The following SMTN variants were observed in gnomAD, a reference collection of about 807,000 sequenced individuals.
SMTN encodes the protein smoothelin.
SMTN carries 58 observed loss-of-function variants against 102.0 expected under a neutral mutation model. The ratio of observed to expected loss-of-function variants is 0.57; its 90% CI spans 0.46 to 0.71. The LOEUF is 0.71. Among genes scored for constraint, SMTN ranks in the 30% least tolerant of loss-of-function variants. The pLI is 0.00. For synonymous variants in SMTN, 478 were observed against 497.9 expected, an observed-to-expected ratio of 0.96 and a Z score of 0.53; for missense variants, 1,185 against 1,241.7, an observed-to-expected ratio of 0.95 and a Z score of 0.69.
chr22:31,076,350 G>T (rs1340244831), upstream of SMTN, among the ~76,000 whole-genome samples: 3 of 152,210 alleles, frequency 2.0e-5, no homozygotes, highest in African/African-American at 7.2e-5. Flanking sequence ...CCACCCCGCT[G>T]TCTACAGGTC....
intron 1 of SMTN, among the ~76,000 whole-genome samples, chr22:31,075,138 G>A (rs1462352245): frequency 6.6e-6 from 1 of 152,142 alleles, no homozygotes; most frequent in East Asian, 1.9e-4. Flanking sequence ...CAGTTAGAAA[G>A]TCCTAGGTTT....
chr22:31,087,862 T>C, intron 2 of SMTN, 103 bp from the exon 3 acceptor site: 1 of 1,270,210 alleles, frequency 7.9e-7, no homozygotes, highest in South Asian at 1.6e-5. Flanking sequence ...ACACAGGGAG[T>C]GGACACAGGC....
chr22:31,094,011 G>C, intron 11 of SMTN: 1 of 677,536 alleles, frequency 1.5e-6, no homozygotes. Context: ...AGTGCTCTAA[G>C]ACTAGGGCAA....
chr22:31,073,012 T>TC (rs1491520848), intron 1 of SMTN, among the ~76,000 whole-genome samples: 3,933 of 18,068 alleles, frequency 0.22, 85 homozygotes, highest in Middle Eastern at 0.41. Flanking sequence ...TCTCTCTCTC[T>TC]TTTTTTTTTT....
intron 10 of SMTN, 71 bp downstream of exon 10, chr22:31,091,553 G>A: frequency 6.6e-7 from 1 of 1,506,818 alleles, no homozygotes; most frequent in Non-Finnish European, 8.9e-7. Flanking sequence ...CAGGACAGGT[G>A]CTGCGGCCAG....
chr22:31,096,778 G>T lies in SMTN; in HGVS notation c.1907G>T (p.Gly636Val). The T allele has an allele frequency of 1.9e-6, 3 of 1,562,882 alleles. No individual in the cohort carries two copies. Among genetic ancestry groups the T allele is most frequent in the Non-Finnish European group, 1.7e-6 (2 of 1,156,746 alleles). ...ERERRLQEAR[G>V]RPGEGRGNTA... The stretch of plus-strand genomic sequence containing the variant: ...GAACGGCGGCTGCAGGAGGCACGGG[G>T]CCGGCCAGGGGAGGGGCGCGGCAAC... The change falls in exon 14 of 21, where the codon GGC becomes GTC. Residue 636 changes from glycine (G) to valine (V), a missense_variant. Physicochemically the swap from Gly to Val is moderately radical, Grantham distance 109. Coordinates refer to ENST00000333137, the MANE Select transcript of SMTN (RefSeq NM_134269.3).
intron 4 of SMTN, 29 bp downstream of exon 4, chr22:31,088,635 G>C (rs1250052490): frequency 6.8e-6 from 11 of 1,612,322 alleles, no homozygotes; most frequent in Non-Finnish European, 5.1e-6. Flanking sequence ...CAGGGGATGG[G>C]GGCAGGGCAG....
Position 31,096,988 on chromosome 22 carries a change from GC to G in SMTN, c.2027-6del. 6.2e-7 allele frequency: 1 copy of G among 1,614,040 alleles called. No individual in the cohort carries two copies. Among genetic ancestry groups the G allele is most frequent in the Non-Finnish European group, 8.5e-7 (1 of 1,179,972 alleles). ...GCCTTTCACATCCTTCTCATCCCCT[GC>G]CCCTGCAGATGATGGCACACGGACG... On this transcript the variant is annotated splice_polypyrimidine_tract_variant and intron_variant, in intron 14 of 20. Coordinates refer to ENST00000333137, the MANE Select transcript of SMTN (RefSeq NM_134269.3).
Position 31,095,775 on chromosome 22 carries a change from TGCTCCTTCCCTA to T in SMTN, c.1861+175_1861+186del, listed in dbSNP as rs2043538166. ...TTGGCTATTCCCTGCTGGATCCAGC[TGCTCCTTCCCTA>T]GCTCCTTCTCTCCCGCTGGTGACCC... On this transcript the variant is annotated intron_variant, in intron 13 of 20. Transcript: ENST00000333137. The surrounding 1 kb of genome is among the most constrained non-coding windows in gnomAD (Gnocchi z 4.1). The T allele has an allele frequency of 1.6e-6, 1 of 625,942 alleles. No individual in the cohort carries two copies. The highest frequency in any genetic ancestry group is 2.8e-6 in the Non-Finnish European group (1 of 359,334). 38.8% of individuals were successfully genotyped at this position (625,942 alleles called of 1,614,324 possible). A position where few individuals can be genotyped will look rare whatever the true frequency, so the allele number is the denominator to read the frequency against.
intron 1 of SMTN, among the ~76,000 whole-genome samples, chr22:31,081,960 T>C (rs1295335674): frequency 6.6e-6 from 1 of 151,880 alleles, no homozygotes; most frequent in African/African-American, 2.4e-5. Flanking sequence ...CAGGCAGAGA[T>C]TGGGAGGTTG....
chr22:31,087,008 A>T (rs558207217), intron 2 of SMTN: 6 of 152,262 alleles, frequency 3.9e-5, no homozygotes, highest in African/African-American at 1.4e-4. Context: ...GACAGAGGAA[A>T]TCACCCCGCC....
chr22:31,090,856 C>T lies in SMTN; in HGVS notation c.914C>T (p.Pro305Leu). Residue 305 changes from proline to leucine, a missense_variant, in exon 9 of 21, where the codon CCC becomes CTC. Coordinates refer to ENST00000333137, the MANE Select transcript of SMTN (RefSeq NM_134269.3). ...PCQRSLSVLS[P>L]RQPAQNREST... ...CAACGCTCCCTGTCGGTGCTCAGCCCCCGCCAACCAGCCCAGAACCGAGGT... is the reference window on the plus strand; with the variant it reads ...CAACGCTCCCTGTCGGTGCTCAGCCTCCGCCAACCAGCCCAGAACCGAGGT... 2 of 1,614,004 alleles carry T rather than the reference C, an allele frequency of 1.2e-6. No individual in the cohort carries two copies. The highest frequency in any genetic ancestry group is 1.7e-6 in the Non-Finnish European group (2 of 1,179,942).
At chr22:31,093,807 C>A in intron 11 of SMTN, 1 of 1,593,046 alleles carries the variant, frequency 6.3e-7, no homozygotes. Flanking sequence ...CCGGGACCCC[C>A]GTGGCCCACC....
intron 19 of SMTN, 36 bp from the exon 20 acceptor site, chr22:31,100,849 G>GT: frequency 3.0e-6 from 1 of 332,058 alleles, no homozygotes; most frequent in Non-Finnish European, 5.3e-6. Flanking sequence ...TCCTGCCCCC[G>GT]TCCCCCACCC....
At chr22:31,090,284 C>G in intron 8 of SMTN, 104 bp downstream of exon 8, 3 of 908,312 alleles carry the variant, frequency 3.3e-6, no homozygotes, top group Non-Finnish European at 5.0e-6. Flanking sequence ...GCTCTAGCTT[C>G]CTCAGGTCCA....
chr22:31,069,614 A>G (rs1259031018), intron 1 of SMTN, among the ~76,000 whole-genome samples: 1 of 152,210 alleles, frequency 6.6e-6, no homozygotes, highest in African/African-American at 2.4e-5. Flanking sequence ...GGAGTCAGGA[A>G]GGATGCTAAC....
intron 13 of SMTN, chr22:31,096,307 T>C (rs937297172): frequency 5.9e-6 from 1 of 169,448 alleles, no homozygotes; most frequent in African/African-American, 2.4e-5. Context: ...TGGATCTAAA[T>C]ATTCCTGCCT....
In SMTN at chr22:31,091,698, C is replaced by T. The variant is rs2043145583; in HGVS notation, c.1483C>T (p.Pro495Ser). 2 of 1,604,646 alleles carry T rather than the reference C, an allele frequency of 1.2e-6. No individual in the cohort carries two copies. Among genetic ancestry groups the T allele is most frequent in the Non-Finnish European group, 1.7e-6 (2 of 1,173,756 alleles). Residue 495 changes from proline to serine, a missense_variant, in exon 11 of 21, where the codon CCC becomes TCC. Coordinates refer to ENST00000333137, the MANE Select transcript of SMTN (RefSeq NM_134269.3). ...RAELTLGLRA[P>S]PTLLSTSSGG... ...AGAACTGACACTGGGGCTGCGGGCG[C>T]CCCCGACCCTACTCAGCACCAGTAG...
rs750276884 is a variant in SMTN, at chr22:31,099,745, C to T, written c.2452C>T (p.His818Tyr). 5.6e-6 allele frequency: 9 copies of T among 1,613,672 alleles called. No individual in the cohort carries two copies. The Admixed American group carries it at 1.3e-4, about 24-fold the overall frequency. Residue 818 changes from histidine (H) to tyrosine (Y), a missense_variant and splice_region_variant, in exon 19 of 21, where the codon CAC becomes TAC. Around this residue, in one of 2 missense-constraint regions of SMTN, gnomAD observed 1,096 missense variants for 1,112.7 expected, o/e 0.98. Transcript: ENST00000333137. ...WCRAKTRGYE[H>Y]VDIQNFSSSW... ...TGACCAGTCCTCCTACGGCTTATAG[C>T]ACGTCGACATCCAGAACTTCTCCTC...
Sources: allele counts gnomAD v4.1 joint callset (sites outside exome capture counted in the v4.1 genomes callset), GRCh38; gene constraint gnomAD v4.1.1; regional missense constraint gnomAD v4.1.1; non-coding constraint Gnocchi (gnomAD v3.1); transcripts MANE v1.5; gene names NCBI Gene and HGNC (gene_info 2026-07-23, HGNC 2026-07-21).